MATR3: variants seen among roughly 807,000 people sequenced by gnomAD.
The protein encoded by MATR3 is matrin-3.
In MATR3, 4 loss-of-function variants were observed where a neutral mutation model predicts 85.5. The ratio of observed to expected loss-of-function variants is 0.05; its 90% CI spans 0.02 to 0.11. The LOEUF (loss-of-function observed/expected upper bound fraction) is 0.11. Among genes scored for constraint, MATR3 ranks in the 10% least tolerant of loss-of-function variants. The probability of loss-of-function intolerance (pLI) is 1.00; values close to 1 mark genes in which losing one functional copy is unlikely to be tolerated. For missense variants in MATR3, 685 were observed against 1,016.1 expected, an observed-to-expected ratio of 0.67 and a Z score of 4.43; for synonymous variants, 336 against 343.1, an observed-to-expected ratio of 0.98 and a Z score of 0.23.
intron 12 of MATR3, among the ~76,000 whole-genome samples, chr5:139,325,109 C>T (rs527732088): frequency 1.3e-4 from 19 of 151,928 alleles, no homozygotes; most frequent in Admixed American, 6.6e-4. Context: ...AGGAGAATGG[C>T]GTGAACCAGG....
In MATR3 at chr5:139,325,508, A is replaced by G. The variant is rs1281726481; in HGVS notation, c.2217A>G (p.Glu739=). Residue 739 remains glutamate (E), a synonymous_variant, in exon 13 of 15, where the codon GAA becomes GAG. Transcript: ENST00000394805. ...AALENGIKNE[E]NTEPGAESSE... ...TGGAAAATGGAATTAAAAATGAGGA[A>G]AACACAGAACCAGGTGCTGAATCTT... 1.9e-6 allele frequency: 3 copies of G among 1,614,106 alleles called. No homozygotes were observed. The highest frequency in any genetic ancestry group is 1.1e-5 in the South Asian group (1 of 91,094).
intron 1 of MATR3, among the ~76,000 whole-genome samples, chr5:139,301,323 CT>C (rs1300068116): frequency 6.6e-6 from 1 of 151,562 alleles, no homozygotes; most frequent in Non-Finnish European, 1.5e-5. Flanking sequence ...AGAATGGAGC[CT>C]TTTTTCTTTA....
intron 1 of MATR3, among the ~76,000 whole-genome samples, chr5:139,303,232 G>T (rs1754543509): frequency 6.6e-6 from 1 of 152,110 alleles, no homozygotes; most frequent in Non-Finnish European, 1.5e-5. Context: ...CTCCCACGTA[G>T]GTGGGACTAC....
intron 14 of MATR3, among the ~76,000 whole-genome samples, chr5:139,327,836 C>T (rs1412534711): frequency 1.3e-5 from 2 of 151,600 alleles, no homozygotes; most frequent in East Asian, 3.9e-4. Context: ...TCTTGTGGCT[C>T]CTTTTATTAT....
chr5:139,328,343 T>C (rs1468412815), intron 14 of MATR3, among the ~76,000 whole-genome samples: 1 of 152,194 alleles, frequency 6.6e-6, no homozygotes, highest in African/African-American at 2.4e-5. Flanking sequence ...CTTACTATTT[T>C]GCATTAACTA....
In MATR3 at chr5:139,299,647, G is replaced by T. The variant is rs539317713; in HGVS notation, c.-178+5842G>T. 5.3e-5 allele frequency among the ~76,000 whole-genome samples: 8 copies of T among 152,316 alleles called. No homozygotes were observed. The East Asian group carries it at 1.5e-3, about 29-fold the overall frequency. On this transcript the variant is annotated intron_variant, in intron 1 of 14. Coordinates refer to ENST00000394805, the MANE Select transcript of MATR3 (RefSeq NM_018834.6). Reference sequence around the variant, plus strand: ...GCCACTGCACTGGGCAACAGAGGAAGACCCTGTCTTGAAAAAGGAAATCGT... The same window carrying T: ...GCCACTGCACTGGGCAACAGAGGAATACCCTGTCTTGAAAAAGGAAATCGT...
chr5:139,323,889 C>G (rs1010375052), intron 12 of MATR3, among the ~76,000 whole-genome samples: 4 of 149,968 alleles, frequency 2.7e-5, no homozygotes, highest in Non-Finnish European at 5.9e-5. Flanking sequence ...AAGACTGTCT[C>G]AAGAAAAAAA....
chr5:139,326,381 A>T (rs1245983084), intron 14 of MATR3, 97 bp downstream of exon 14: 5 of 1,191,832 alleles, frequency 4.2e-6, no homozygotes, highest in Non-Finnish European at 6.2e-6. Context: ...TTCTCTCTAG[A>T]CTCAGTGCAG....
intron 3 of MATR3, among the ~76,000 whole-genome samples, chr5:139,280,957 ATT>A (rs886358762): frequency 1.4e-5 from 2 of 146,092 alleles, no homozygotes; most frequent in African/African-American, 2.5e-5. Context: ...ATCCCTGTCG[ATT>A]TTTTTTTTTT....
intron 1 of MATR3, chr5:139,275,963 A>C: frequency 2.2e-6 from 1 of 449,318 alleles, no homozygotes; most frequent in Non-Finnish European, 4.5e-6. Flanking sequence ...ATAAGTAACA[A>C]GAGATGAAAA....
chr5:139,278,977 AT>A (rs1561917899), intron 2 of MATR3: 1 of 516,182 alleles, frequency 1.9e-6, no homozygotes, highest in Non-Finnish European at 3.9e-6. Context: ...GGTGCAAACA[AT>A]TTTTTTCTGT....
rs564077880 is a variant in MATR3, at chr5:139,329,758, A to G, written c.*363A>G. On this transcript the variant is annotated 3_prime_UTR_variant, in exon 15 of 15. Transcript: ENST00000394805. ...AAATGTCAACATTTTATTCCATTCAATAAAGAACAAAACCAATAGTGTTTT... is the reference window on the plus strand; with the variant it reads ...AAATGTCAACATTTTATTCCATTCAGTAAAGAACAAAACCAATAGTGTTTT... 6.6e-6 allele frequency: 3 copies of G among 455,854 alleles called. No homozygotes were observed. The highest frequency in any genetic ancestry group is 6.9e-5 in the East Asian group (1 of 14,488). 28.2% of individuals were successfully genotyped at this position (455,854 alleles called of 1,614,324 possible). A position where few individuals can be genotyped will look rare whatever the true frequency, so the allele number is the denominator to read the frequency against.
At chr5:139,284,628 G>GGATTTGCAGAGACTTGCTATTTA (rs1753645496) in intron 3 of MATR3, among the ~76,000 whole-genome samples, 1 of 151,786 alleles carries the variant, frequency 6.6e-6, no homozygotes, top group Non-Finnish European at 1.5e-5. Flanking sequence ...AGAAAATAAT[G>GGATTTGCAGAGACTTGCTATTTA]GATTTGCAGA....
At chr5:139,299,577 A>G (rs1013786104) in intron 1 of MATR3, among the ~76,000 whole-genome samples, 2 of 152,126 alleles carry the variant, frequency 1.3e-5, no homozygotes, top group African/African-American at 4.8e-5. Context: ...ACCAAGGAGG[A>G]TCACTTGAGC....
intron 10 of MATR3, 137 bp from the exon 11 acceptor site, chr5:139,322,326 G>A (rs1003553336): frequency 3.6e-6 from 3 of 841,784 alleles, no homozygotes; most frequent in Admixed American, 2.0e-5. Context: ...ATGTCTGTAG[G>A]CAGCTTAGGT....
chr5:139,313,414 C>A (rs1755094058), intron 2 of MATR3: 1 of 150,042 alleles, frequency 6.7e-6, no homozygotes, highest in Admixed American at 6.7e-5. Flanking sequence ...TTGCTTTTCA[C>A]AACAACCCTA....
chr5:139,302,403 A>G (rs1463578601), intron 1 of MATR3, among the ~76,000 whole-genome samples: 1 of 152,238 alleles, frequency 6.6e-6, no homozygotes, highest in African/African-American at 2.4e-5. Context: ...GCATACTTCA[A>G]AAAAACCCTT....
chr5:139,311,481 A>G (rs1049166540), intron 2 of MATR3: 4 of 152,156 alleles, frequency 2.6e-5, no homozygotes, highest in Non-Finnish European at 5.9e-5. Flanking sequence ...TTTGGGAGGT[A>G]TGTGATTGAT....
At position 139,302,520 on chromosome 5, in the gene MATR3, C is replaced by A. The variant is rs950952297; in HGVS notation, c.-177-4719C>A. 2.0e-5 allele frequency among the ~76,000 whole-genome samples: 3 copies of A among 152,034 alleles called. 1 individual carries two copies. Among genetic ancestry groups the A allele is most frequent in the Admixed American group, 2.0e-4 (3 of 15,256 alleles). ...AAACTATGGTAAATTCTTTATAAAACCATTATAAAATTTAATAAATGAAGA... is the reference window on the plus strand; with the variant it reads ...AAACTATGGTAAATTCTTTATAAAAACATTATAAAATTTAATAAATGAAGA... On this transcript the variant is annotated intron_variant, in intron 1 of 14. Coordinates refer to ENST00000394805, the MANE Select transcript of MATR3 (RefSeq NM_018834.6).
Sources: allele counts gnomAD v4.1 joint callset (sites outside exome capture counted in the v4.1 genomes callset), GRCh38; gene constraint gnomAD v4.1.1; transcripts MANE v1.5; gene names NCBI Gene and HGNC (gene_info 2026-07-23, HGNC 2026-07-21).